STK32B: variants seen among roughly 807,000 people sequenced by gnomAD.
STK32B encodes serine/threonine kinase 32B, also known as serine/threonine-protein kinase 32B.
STK32B carries 43 observed loss-of-function variants against 52.6 expected under a neutral mutation model. That is an observed-to-expected ratio of 0.82 (90% CI 0.64 to 1.05). The LOEUF is 1.05. STK32B is among the 50% of genes least tolerant of loss of function. STK32B has a pLI of 0.00. For synonymous variants in STK32B, 238 were observed against 204.3 expected, an observed-to-expected ratio of 1.17 and a Z score of -1.41; for missense variants, 621 against 534.6, an observed-to-expected ratio of 1.16 and a Z score of -1.59.
intron 1 of STK32B, among the ~76,000 whole-genome samples, chr4:5,109,531 A>G (rs1714280710): frequency 6.6e-6 from 1 of 152,218 alleles, no homozygotes; most frequent in South Asian, 2.1e-4. Context: ...ATCTCAGTAG[A>G]TGCAGAAAAA....
chr4:5,383,253 G>A (rs894245660), intron 4 of STK32B, among the ~76,000 whole-genome samples: 9 of 152,086 alleles, frequency 5.9e-5, no homozygotes, highest in African/African-American at 1.9e-4. Context: ...TATTCATGCT[G>A]TGCCTCAAGA....
chr4:5,229,978 T>C (rs1392127511), intron 3 of STK32B, among the ~76,000 whole-genome samples: 1 of 151,918 alleles, frequency 6.6e-6, no homozygotes, highest in Admixed American at 6.6e-5. Context: ...GCCCCAAACC[T>C]ACTACTTTAT....
At chr4:5,283,687 T>C (rs1447381110) in intron 3 of STK32B, among the ~76,000 whole-genome samples, 9 of 152,150 alleles carry the variant, frequency 5.9e-5, no homozygotes, top group Admixed American at 4.6e-4. Context: ...TGGGATGATA[T>C]ATTCAACGTG....
intron 3 of STK32B, among the ~76,000 whole-genome samples, chr4:5,190,406 A>G (rs1721088859): frequency 6.6e-6 from 1 of 152,182 alleles, no homozygotes; most frequent in Admixed American, 6.5e-5. Flanking sequence ...CAATTGAGGC[A>G]GAGGGAGGTT....
At chr4:5,247,735 C>T (rs1387801308) in intron 3 of STK32B, among the ~76,000 whole-genome samples, 1 of 152,110 alleles carries the variant, frequency 6.6e-6, no homozygotes, top group Non-Finnish European at 1.5e-5. Flanking sequence ...ATTATAAATT[C>T]TTAGGGAAGC....
At chr4:5,199,534 T>G (rs75258273) in intron 3 of STK32B, among the ~76,000 whole-genome samples, 320 of 152,084 alleles carry the variant, frequency 2.1e-3, no homozygotes, top group Non-Finnish European at 3.6e-3. Context: ...ATGTTCCACA[T>G]TAGTGAAGCC....
At chr4:5,167,788 A>G (rs568285025) in intron 2 of STK32B, among the ~76,000 whole-genome samples, 1 of 152,320 alleles carries the variant, frequency 6.6e-6, no homozygotes, top group South Asian at 2.1e-4. Flanking sequence ...GGTCTGCTAC[A>G]TGGGCAGCAA....
chr4:5,248,450 G>C (rs747573113), intron 3 of STK32B, among the ~76,000 whole-genome samples: 1 of 152,136 alleles, frequency 6.6e-6, no homozygotes, highest in Admixed American at 6.5e-5. Context: ...AAAGAAACAC[G>C]TATTTCCATT....
At chr4:5,289,381 T>C (rs1442444184) in intron 3 of STK32B, among the ~76,000 whole-genome samples, 1 of 152,198 alleles carries the variant, frequency 6.6e-6, no homozygotes, top group Non-Finnish European at 1.5e-5. Context: ...AAGGACATTA[T>C]TGTACACTTG....
chr4:5,466,972 C>G, intron 10 of STK32B, 138 bp downstream of exon 10: 1 of 1,149,476 alleles, frequency 8.7e-7, no homozygotes, highest in Non-Finnish European at 1.2e-6. Context: ...AAATAAAATG[C>G]TACTATCAAA....
intron 5 of STK32B, among the ~76,000 whole-genome samples, chr4:5,405,077 AGGAT>A (rs1737569262): frequency 6.6e-6 from 1 of 151,942 alleles, no homozygotes; most frequent in Admixed American, 6.5e-5. Context: ...CGTGTTAGCC[AGGAT>A]GGTCTCAATC....
chr4:5,405,433 C>T (rs1737592552), intron 5 of STK32B, among the ~76,000 whole-genome samples: 1 of 152,092 alleles, frequency 6.6e-6, no homozygotes, highest in Admixed American at 6.6e-5. Flanking sequence ...TGTTTGTGTC[C>T]CCACAAAATT....
At chr4:5,124,633 TTTA>T (rs1715251211) in intron 1 of STK32B, among the ~76,000 whole-genome samples, 1 of 152,134 alleles carries the variant, frequency 6.6e-6, no homozygotes, top group African/African-American at 2.4e-5. Flanking sequence ...GGCTTCCCAT[TTTA>T]TTATTCCAGT....
chr4:5,231,718 T>C (rs2108806851), intron 3 of STK32B, among the ~76,000 whole-genome samples: 1 of 152,114 alleles, frequency 6.6e-6, no homozygotes, highest in Non-Finnish European at 1.5e-5. Context: ...AGAAAAAAAC[T>C]GATGACCAAG....
In STK32B at chr4:5,396,116, C is replaced by T. The variant is rs374225538; in HGVS notation, c.435-2091C>T. Among the ~76,000 whole-genome samples, 81 of 152,328 alleles carry T rather than the reference C, an allele frequency of 5.3e-4. No individual in the cohort carries two copies. The highest frequency in any genetic ancestry group is 1.9e-3 in the African/African-American group (77 of 41,572). On this transcript the variant is annotated intron_variant, in intron 4 of 11. Transcript: ENST00000282908. This position sits in a 1 kb window ranked among gnomAD's most constrained non-coding sequence, Gnocchi z 4.7. ...CTGCCACAGCAAATTACTGCAAAATCGGTGGCTTAAAACAATACAAATTTA... is the reference window on the plus strand; with the variant it reads ...CTGCCACAGCAAATTACTGCAAAATTGGTGGCTTAAAACAATACAAATTTA...
chr4:5,310,336 A>G (rs1278370762), intron 3 of STK32B, among the ~76,000 whole-genome samples: 1 of 152,220 alleles, frequency 6.6e-6, no homozygotes, highest in Non-Finnish European at 1.5e-5. Context: ...AAACAACTCA[A>G]CAGCAAAAAA....
intron 11 of STK32B, among the ~76,000 whole-genome samples, chr4:5,475,233 A>G (rs1718148538): frequency 1.3e-5 from 2 of 152,170 alleles, no homozygotes; most frequent in South Asian, 4.2e-4. Flanking sequence ...CAGCCTGGCC[A>G]ACATGGTGAA....
rs1274559570 is a variant in STK32B at position 5,470,960 on chromosome 4, A to G, written c.1106+2890A>G. ...AGGCTTGTCGTCATGCTCCGCCTGG[A>G]CCACGTCCCCGGTCCCCAGCAGTTC... On this transcript the variant is annotated intron_variant, in intron 11 of 11. Transcript: ENST00000282908. This position sits in a 1 kb window ranked among gnomAD's most constrained non-coding sequence, Gnocchi z 4.6. Among the ~76,000 whole-genome samples, 1 of 152,206 alleles carries G rather than the reference A, an allele frequency of 6.6e-6. No homozygotes were observed. Among genetic ancestry groups the G allele is most frequent in the Non-Finnish European group, 1.5e-5 (1 of 68,028 alleles).
chr4:5,197,998 AT>A (rs929197307), intron 3 of STK32B, among the ~76,000 whole-genome samples: 74 of 150,860 alleles, frequency 4.9e-4, no homozygotes, highest in African/African-American at 8.0e-4. Flanking sequence ...AATTCACTGC[AT>A]TTTTTTTTCT....
Sources: gnomAD v4.1 joint callset for allele counts (sites outside exome capture counted in the v4.1 genomes callset) on GRCh38, gnomAD v4.1.1 for gene constraint, Gnocchi (gnomAD v3.1) non-coding constraint, MANE v1.5 for transcripts, NCBI Gene and HGNC (gene_info 2026-07-23, HGNC 2026-07-21) for gene names.